Variants in VWDE observed in about 807,000 individuals in gnomAD.
The protein encoded by VWDE is von Willebrand factor D and EGF domain-containing protein.
In VWDE, 207 loss-of-function variants were observed where a neutral mutation model predicts 178.4. The ratio of observed to expected loss-of-function variants is 1.16; its 90% CI spans 1.04 to 1.30. The LOEUF (loss-of-function observed/expected upper bound fraction) is 1.30. Among genes scored for constraint, VWDE ranks in the 50% most tolerant of loss-of-function variants. The pLI, the probability that VWDE is intolerant of heterozygous loss-of-function variation, is 0.00. For synonymous variants in VWDE, 738 were observed against 651.4 expected (o/e 1.13, Z -2.02); for missense variants, 2,287 against 1,901.3 (o/e 1.20, Z -3.77).
At chr7:12,383,095 T>C (rs12699367) in intron 4 of VWDE, among the ~76,000 whole-genome samples, 54,310 of 151,800 alleles carry the variant, frequency 0.36, 11,442 homozygotes, top group Non-Finnish European at 0.46. Flanking sequence ...TGTCAGTGTT[T>C]ATGTATCAGA....
chr7:12,336,042 T>C (rs78493184), intron 27 of VWDE, 99 bp downstream of exon 27: 1 of 843,126 alleles, frequency 1.2e-6, no homozygotes, highest in South Asian at 1.9e-5. Flanking sequence ...CATGCTGGAG[T>C]TTTTTCCCCC....
intron 19 of VWDE, among the ~76,000 whole-genome samples, chr7:12,347,244 C>T (rs1472121712): frequency 1.3e-5 from 2 of 152,106 alleles, no homozygotes; most frequent in Non-Finnish European, 2.9e-5. Flanking sequence ...GAACCTTCTC[C>T]TTAGGAGAGT....
chr7:12,359,831 T>G (rs1437418928), intron 15 of VWDE, 139 bp from the exon 16 acceptor site: 7 of 533,848 alleles, frequency 1.3e-5, no homozygotes, highest in Non-Finnish European at 2.3e-5. Flanking sequence ...TAATCGTAAG[T>G]GCATATGAGG....
At position 12,340,387 on chromosome 7, in the gene VWDE, C is replaced by A; in HGVS notation, c.4301G>T (p.Gly1434Val). ...GCAAGTATTTGGCTTATTACACGAA[C>A]CACCATTGAGGCAGACAGGGTCGCA... Reference protein sequence around the residue: ...ALCDPVCLNGGSCNKPNTCLC... With the variant: ...ALCDPVCLNGVSCNKPNTCLC... The change falls in exon 24 of 29, where the codon GGT becomes GTT. Residue 1434 changes from glycine to valine, a missense_variant. Gly to Val is a moderately radical substitution (Grantham distance 109, BLOSUM62 -3). Coordinates refer to ENST00000275358, the MANE Select transcript of VWDE (RefSeq NM_001135924.3). The A allele has an allele frequency of 6.4e-7, 1 of 1,551,436 alleles. No homozygotes were observed. Among genetic ancestry groups the A allele is most frequent in the Non-Finnish European group, 8.7e-7 (1 of 1,146,832 alleles).
Position 12,379,535 on chromosome 7 carries a change from TCCA to T in VWDE, c.818_820del (p.Leu273_Glu274delinsTer). The stretch of plus-strand genomic sequence containing the variant: ...GGCTACACTTTGTACATGAGGATTC[TCCA>T]AGAAAAAGACAGAAGCGCTGCAGAA... On this transcript the variant is annotated stop_gained and inframe_deletion, in exon 6 of 29. Coordinates refer to ENST00000275358, the MANE Select transcript of VWDE (RefSeq NM_001135924.3). LOFTEE classifies it high-confidence loss of function. The T allele has an allele frequency of 1.9e-6, 3 of 1,550,302 alleles. No homozygotes were observed. Among genetic ancestry groups the T allele is most frequent in the Non-Finnish European group, 2.6e-6 (3 of 1,146,398 alleles).
chr7:12,370,252 G>A lies in VWDE; in HGVS notation c.2054C>T (p.Thr685Ile). ...DTLVREINKH[T>I]SPEEYNLNLF... ...ATTTAGATTATATTCTTCTGGAGAT[G>A]TATGCTTGTTTATCTCTCTGACAAG... The change falls in exon 12 of 29, where the codon ACA (threonine) becomes ATA (isoleucine). Residue 685 changes from threonine to isoleucine, a missense_variant. Transcript: ENST00000275358. The A allele has an allele frequency of 1.9e-6, 3 of 1,551,114 alleles. No homozygotes were observed. Among genetic ancestry groups the A allele is most frequent in the Non-Finnish European group, 2.6e-6 (3 of 1,146,838 alleles).
chr7:12,370,869 A>G lies in VWDE; in HGVS notation c.1588-5T>C. The G allele has an allele frequency of 6.6e-7, 1 of 1,507,852 alleles. No homozygotes were observed. The highest frequency in any genetic ancestry group is 8.9e-7 in the Non-Finnish European group (1 of 1,129,216). The allele number at this position is 1,507,852 out of a possible 1,614,324, so 93.4% of individuals were successfully genotyped here. On this transcript the variant is annotated splice_region_variant and splice_polypyrimidine_tract_variant and intron_variant, in intron 10 of 28. Transcript: ENST00000275358. ...TGCCCCAGAAGAAAACCAGATCTGA[A>G]AAACAGAAATAAATACAGAAATAAA...
At chr7:12,386,464 G>A (rs28566049) in intron 3 of VWDE, among the ~76,000 whole-genome samples, 7,247 of 152,176 alleles carry the variant, frequency 0.048, 342 homozygotes, top group South Asian at 0.15. Flanking sequence ...AGAACAAAAC[G>A]CAGAGCTCCC....
Position 12,389,332 on chromosome 7 carries a change from G to A in VWDE, c.270C>T (p.Pro90=), listed in dbSNP as rs933909346. The A allele has an allele frequency of 8.3e-5, 128 of 1,548,754 alleles. No individual in the cohort carries two copies. Among genetic ancestry groups the A allele is most frequent in the Non-Finnish European group, 1.1e-4 (126 of 1,144,672 alleles). The part of the protein sequence containing the change: ...VEMNHCGTQA[P]IWLSLRDSET... ...CTGAATCTCTCAGAGACAGCCAGAT[G>A]GGGGCCTGAGTTCCACAATGGTTCA... The change falls in exon 3 of 29, where the codon CCC becomes CCT. Residue 90 remains proline (P), a synonymous_variant. Coordinates refer to ENST00000275358, the MANE Select transcript of VWDE (RefSeq NM_001135924.3).
chr7:12,375,641 G>C (rs1431721255), intron 7 of VWDE, among the ~76,000 whole-genome samples: 1 of 151,812 alleles, frequency 6.6e-6, no homozygotes, highest in Non-Finnish European at 1.5e-5. Context: ...ATATTTCTTA[G>C]CATATGTGTT....
In VWDE at chr7:12,344,482, C is replaced by A. The variant is rs561386091; in HGVS notation, c.3887-13G>T. 5 of 1,535,256 alleles carry A rather than the reference C, an allele frequency of 3.3e-6. No homozygotes were observed. The highest frequency in any genetic ancestry group is 4.1e-5 in the Admixed American group (2 of 48,714). On this transcript the variant is annotated splice_polypyrimidine_tract_variant and intron_variant, in intron 19 of 28. Coordinates refer to ENST00000275358, the MANE Select transcript of VWDE (RefSeq NM_001135924.3). The stretch of plus-strand genomic sequence containing the variant: ...TATTTACAAATGGCTAAAAAAAAAT[C>A]AAAGAAAAAAAGGTTGATTGCTAAA...
At chr7:12,337,315 C>T (rs1781097796) in intron 24 of VWDE, 43 bp from the exon 25 acceptor site, 2 of 1,439,982 alleles carry the variant, frequency 1.4e-6, no homozygotes, top group Admixed American at 2.0e-5. Context: ...TTACACATCC[C>T]ATTACTACAT....
Position 12,357,526 on chromosome 7 carries a change from G to C in VWDE, c.3275-11C>G. 6.4e-7 allele frequency: 1 copy of C among 1,551,748 alleles called. No homozygotes were observed. The highest frequency in any genetic ancestry group is 8.7e-7 in the Non-Finnish European group (1 of 1,146,928). On this transcript the variant is annotated splice_polypyrimidine_tract_variant and intron_variant, in intron 16 of 28. Coordinates refer to ENST00000275358, the MANE Select transcript of VWDE (RefSeq NM_001135924.3). ...CTGGGGGCTGGTTGTCTGTAATAGA[G>C]AAAACACTTAACTTTATACCCGTGT... is the stretch of plus-strand genomic sequence containing the variant.
rs538373700 is a variant in VWDE at position 12,385,202 on chromosome 7, G to A, written c.476-1601C>T. 8.7e-4 allele frequency among the ~76,000 whole-genome samples: 132 copies of A among 152,086 alleles called. 1 individual carries two copies. The highest frequency in any genetic ancestry group is 3.0e-3 in the African/African-American group (123 of 41,476). ...ATATGAATTCTGTGAGAATCAAAACGTCTTCATGAGACTATGATATTAAAG... is the reference window on the plus strand; with the variant it reads ...ATATGAATTCTGTGAGAATCAAAACATCTTCATGAGACTATGATATTAAAG... On this transcript the variant is annotated intron_variant, in intron 3 of 28. Coordinates refer to ENST00000275358, the MANE Select transcript of VWDE (RefSeq NM_001135924.3).
intron 1 of VWDE, among the ~76,000 whole-genome samples, chr7:12,397,852 A>G (rs1444402493): frequency 5.3e-5 from 8 of 152,154 alleles, no homozygotes; most frequent in African/African-American, 1.9e-4. Context: ...AATCAAAACC[A>G]CAATGAGGTA....
chr7:12,372,814 T>A (rs1050443900), intron 10 of VWDE, among the ~76,000 whole-genome samples, 163 bp downstream of exon 10: 1 of 152,132 alleles, frequency 6.6e-6, no homozygotes, highest in African/African-American at 2.4e-5. Flanking sequence ...TGTCTATTTG[T>A]GTGTGGTGAG....
At position 12,336,181 on chromosome 7, in the gene VWDE, G is replaced by A; in HGVS notation, c.4614C>T (p.Cys1538=). Residue 1538 remains cysteine, a synonymous_variant, in exon 27 of 29, where the codon TGC becomes TGT. Coordinates refer to ENST00000275358, the MANE Select transcript of VWDE (RefSeq NM_001135924.3). ...CTCCTTCCCAGGAGGAAGGACAATGGCATATGCTGGGCGCAATGCATTCAC... is the reference window on the plus strand; with the variant it reads ...CTCCTTCCCAGGAGGAAGGACAATGACATATGCTGGGCGCAATGCATTCAC... ...NGGECIAPSI[C]HCPSSWEGVR... 1 of 1,551,332 alleles carries A rather than the reference G, an allele frequency of 6.4e-7. No homozygotes were observed. The highest frequency in any genetic ancestry group is 8.7e-7 in the Non-Finnish European group (1 of 1,146,890).
chr7:12,386,603 T>C (rs1298165191), intron 3 of VWDE, among the ~76,000 whole-genome samples: 1 of 152,236 alleles, frequency 6.6e-6, no homozygotes, highest in Non-Finnish European at 1.5e-5. Flanking sequence ...TAGGGCCTGC[T>C]GCTTGCTGCA....
At chr7:12,344,937 A>G (rs1781520972) in intron 19 of VWDE, among the ~76,000 whole-genome samples, 1 of 152,112 alleles carries the variant, frequency 6.6e-6, no homozygotes, top group Admixed American at 6.6e-5. Flanking sequence ...ACAGACCACA[A>G]TGTTAATCAG....
Sources: allele counts gnomAD v4.1 joint callset (sites outside exome capture counted in the v4.1 genomes callset), GRCh38; gene constraint gnomAD v4.1.1; transcripts MANE v1.5; gene names NCBI Gene and HGNC (gene_info 2026-07-23, HGNC 2026-07-21).